PNRC2: variants seen among roughly 807,000 people sequenced by gnomAD.
PNRC2 encodes the protein proline-rich nuclear receptor coactivator 2.
PNRC2 carries 2 observed loss-of-function variants against 12.2 expected under a neutral mutation model. That is an observed-to-expected ratio of 0.16 (90% CI 0.07 to 0.52). The LOEUF (loss-of-function observed/expected upper bound fraction) is 0.52, where lower values mean the gene tolerates loss of function less well. Among genes scored for constraint, PNRC2 ranks in the 20% least tolerant of loss-of-function variants. PNRC2 has a pLI of 0.95. For missense variants in PNRC2, 115 were observed against 158.4 expected (o/e 0.73, Z 1.47); for synonymous variants, 44 against 53.9 (o/e 0.82, Z 0.80).
chr1:23,960,906 T>A (rs1399394046), intron 1 of PNRC2, 23 bp from the exon 2 acceptor site: 4 of 398,584 alleles, frequency 1.0e-5, no homozygotes, highest in Non-Finnish European at 1.8e-5. Flanking sequence ...TTTGAAATAA[T>A]GAAGTAATCT....
chr1:23,961,401 A>G, intron 2 of PNRC2, 39 bp from the exon 3 acceptor site: 1 of 1,431,098 alleles, frequency 7.0e-7, no homozygotes, highest in Admixed American at 2.3e-5. Flanking sequence ...ACTTTTCTTA[A>G]TGGAATTTTA....
rs1233069080 is a variant in PNRC2 at position 23,962,209 on chromosome 1, T to A, written c.*332T>A. The A allele has an allele frequency of 4.9e-6, 1 of 203,514 alleles. No homozygotes were observed. Among genetic ancestry groups the A allele is most frequent in the Non-Finnish European group, 1.1e-5 (1 of 89,950 alleles). The allele number at this position is 203,514 out of a possible 1,614,324, so 12.6% of individuals were successfully genotyped here. On this transcript the variant is annotated 3_prime_UTR_variant, in exon 3 of 3. Transcript: ENST00000334351. ...ATTGTTGAAAGTTGGTGAATCGGAT[T>A]ATAAGCTTCTAGCTAACACAAGGAT...
rs928991916 is a variant in PNRC2 at position 23,961,058 on chromosome 1, C to T, written c.-95C>T. ...AAGGAAGGGATCTGTCAGAAAGCAA[C>T]ACTTGTTATCTTGGGCTTGGCAGCA... On this transcript the variant is annotated 5_prime_UTR_variant, in exon 2 of 3. Transcript: ENST00000334351. The T allele has an allele frequency of 4.2e-5, 17 of 407,292 alleles. No homozygotes were observed. Among genetic ancestry groups the T allele is most frequent in the African/African-American group, 2.5e-4 (12 of 48,786 alleles). The allele number at this position is 407,292 out of a possible 1,614,324, so 25.2% of individuals were successfully genotyped here. A position where few individuals can be genotyped will look rare whatever the true frequency, so the allele number is the denominator to read the frequency against.
At chr1:23,961,416 A>G (rs1450031577) in intron 2 of PNRC2, 24 bp from the exon 3 acceptor site, 91 of 1,485,932 alleles carry the variant, frequency 6.1e-5, no homozygotes, top group Admixed American at 2.0e-4. Context: ...ATTTTACTCA[A>G]TATTTGTTTC....
In PNRC2 at chr1:23,962,052, G is replaced by A. The variant is rs1570751707; in HGVS notation, c.*175G>A. 5.5e-6 allele frequency: 3 copies of A among 545,642 alleles called. No individual in the cohort carries two copies. Among genetic ancestry groups the A allele is most frequent in the East Asian group, 3.0e-5 (1 of 33,190 alleles). 33.8% of individuals were successfully genotyped at this position (545,642 alleles called of 1,614,324 possible). On this transcript the variant is annotated 3_prime_UTR_variant, in exon 3 of 3. Coordinates refer to ENST00000334351, the MANE Select transcript of PNRC2 (RefSeq NM_017761.4). ...ATCAGTGCAACTTAAACTAATGATT[G>A]TACTTGATATTAAGTGTTCTCAACT...
chr1:23,959,627 A>T (rs1641238274), upstream of PNRC2, among the ~76,000 whole-genome samples: 1 of 152,136 alleles, frequency 6.6e-6, no homozygotes, highest in African/African-American at 2.4e-5. Context: ...ACACCGGTGG[A>T]CCGAGCAGTT....
rs1641295591 is a variant in PNRC2 at position 23,962,305 on chromosome 1, G to A, written c.*428G>A. On this transcript the variant is annotated 3_prime_UTR_variant, in exon 3 of 3. Coordinates refer to ENST00000334351, the MANE Select transcript of PNRC2 (RefSeq NM_017761.4). The stretch of plus-strand genomic sequence containing the variant: ...CAAACCAGTAATATGCTAACCTGAT[G>A]CACTGCTGAAAGAAAATGTGAATTT... The A allele has an allele frequency of 5.8e-6, 1 of 171,218 alleles. No homozygotes were observed. The highest frequency in any genetic ancestry group is 2.4e-5 in the African/African-American group (1 of 41,380). The allele number at this position is 171,218 out of a possible 1,614,324, so 10.6% of individuals were successfully genotyped here. A position where few individuals can be genotyped will look rare whatever the true frequency, so the allele number is the denominator to read the frequency against.
intron 2 of PNRC2, 48 bp downstream of exon 2, chr1:23,961,182 C>A: frequency 2.3e-6 from 1 of 438,132 alleles, no homozygotes. Flanking sequence ...CATCCTAAAC[C>A]AATTGTTTTT....
intron 1 of PNRC2, among the ~76,000 whole-genome samples, chr1:23,960,650 A>G (rs908374876): frequency 6.6e-6 from 1 of 152,246 alleles, no homozygotes; most frequent in South Asian, 2.1e-4. Context: ...TATACGCGAG[A>G]GAATCTGAAG....
At position 23,962,640 on chromosome 1, in the gene PNRC2, G is replaced by A. The variant is rs1362385984; in HGVS notation, c.*763G>A. The A allele has an allele frequency of 6.0e-6, 1 of 167,044 alleles. No individual in the cohort carries two copies. Among genetic ancestry groups the A allele is most frequent in the Non-Finnish European group, 1.5e-5 (1 of 68,092 alleles). The allele number at this position is 167,044 out of a possible 1,614,324, so 10.3% of individuals were successfully genotyped here. A position where few individuals can be genotyped will look rare whatever the true frequency, so the allele number is the denominator to read the frequency against. On this transcript the variant is annotated 3_prime_UTR_variant, in exon 3 of 3. Transcript: ENST00000334351. Reference sequence around the variant, plus strand: ...AAATTTTAAGTACCTAGGGGAGAAAGAGCCATGTAAATATCTGTAATAAAC... The same window carrying A: ...AAATTTTAAGTACCTAGGGGAGAAAAAGCCATGTAAATATCTGTAATAAAC...
At chr1:23,960,059 GGAA>G (rs1411708464) in intron 1 of PNRC2, 61 bp downstream of exon 1, 1 of 152,288 alleles carries the variant, frequency 6.6e-6, no homozygotes, top group African/African-American at 2.4e-5. Flanking sequence ...CATTGTTGGA[GGAA>G]GGAGGCGAGC....
At chr1:23,961,346 C>G (rs1340689549) in intron 2 of PNRC2, 94 bp from the exon 3 acceptor site, 1 of 900,258 alleles carries the variant, frequency 1.1e-6, no homozygotes, top group Middle Eastern at 3.0e-4. Flanking sequence ...TCCAAAATAT[C>G]TGGAGTTATA....
chr1:23,959,277 T>TG (rs1641232470), upstream of PNRC2: 1 of 137,418 alleles, frequency 7.3e-6, no homozygotes, highest in Non-Finnish European at 1.6e-5. Flanking sequence ...GGCTGGAGGG[T>TG]GGGGGCACTG....
At position 23,960,964 on chromosome 1, in the gene PNRC2, T is replaced by C. The variant is rs1311681427; in HGVS notation, c.-189T>C. 50 of 399,598 alleles carry C rather than the reference T, an allele frequency of 1.3e-4. No homozygotes were observed. In the East Asian group the frequency reaches 1.5e-3, roughly 12 times the overall value. 24.8% of individuals were successfully genotyped at this position (399,598 alleles called of 1,614,324 possible). ...TCTCAAACTTGTGTGCTGAGGAGACTCAGATGTTGGCCTCAGCTCCTAGGC... is the reference window on the plus strand; with the variant it reads ...TCTCAAACTTGTGTGCTGAGGAGACCCAGATGTTGGCCTCAGCTCCTAGGC... On this transcript the variant is annotated 5_prime_UTR_variant, in exon 2 of 3. Transcript: ENST00000334351.
intron 1 of PNRC2, among the ~76,000 whole-genome samples, chr1:23,960,275 GCT>G (rs915337445): frequency 3.5e-4 from 53 of 152,344 alleles, no homozygotes; most frequent in African/African-American, 1.2e-3. Context: ...TGTTTGGAAA[GCT>G]CTCTTACCCC....
At chr1:23,961,265 G>A (rs1641270834) in intron 2 of PNRC2, 131 bp downstream of exon 2, 1 of 536,564 alleles carries the variant, frequency 1.9e-6, no homozygotes, top group Non-Finnish European at 3.3e-6. Context: ...TAAAGGTTGT[G>A]CATATATTGA....
Position 23,962,969 on chromosome 1 carries a change from TTCC to T in PNRC2, c.*1098_*1100del, listed in dbSNP as rs1641309406. On this transcript the variant is annotated 3_prime_UTR_variant, in exon 3 of 3. Coordinates refer to ENST00000334351, the MANE Select transcript of PNRC2 (RefSeq NM_017761.4). Reference sequence around the variant, plus strand: ...AAATGCAGTATGGGACTATCTTTTTTTCCTCCTCTAAGCCCAAAGATTAACTAG... The same window carrying T: ...AAATGCAGTATGGGACTATCTTTTTTTCCTCTAAGCCCAAAGATTAACTAG... The T allele has an allele frequency of 6.0e-6, 1 of 166,988 alleles. No homozygotes were observed. Among genetic ancestry groups the T allele is most frequent in the South Asian group, 2.1e-4 (1 of 4,830 alleles). The allele number at this position is 166,988 out of a possible 1,614,324, so 10.3% of individuals were successfully genotyped here. A position where few individuals can be genotyped will look rare whatever the true frequency, so the allele number is the denominator to read the frequency against.
chr1:23,961,646 G>A lies in PNRC2; in HGVS notation c.189G>A (p.Gly63=). Residue 63 remains glycine, a synonymous_variant, in exon 3 of 3, where the codon GGG becomes GGA. Coordinates refer to ENST00000334351, the MANE Select transcript of PNRC2 (RefSeq NM_017761.4). Reference sequence around the variant, plus strand: ...CCTGGCAGGCCATGCAAAATGGGGGGAAGAACAAAAATTTTCCAAATAATC... The same window carrying A: ...CCTGGCAGGCCATGCAAAATGGGGGAAAGAACAAAAATTTTCCAAATAATC... ...AAAWQAMQNG[G]KNKNFPNNQS... 6.2e-7 allele frequency: 1 copy of A among 1,613,914 alleles called. No individual in the cohort carries two copies. Among genetic ancestry groups the A allele is most frequent in the Admixed American group, 1.7e-5 (1 of 60,018 alleles).
rs1641279121 is a variant in PNRC2, at chr1:23,961,685, T to C, written c.228T>C (p.Ser76=). ...KNFPNNQSWN[S]SLSGPRLLFK... is the part of the protein sequence containing the mutation. The stretch of plus-strand genomic sequence containing the variant: ...TTCCAAATAATCAAAGTTGGAATTC[T>C]AGCTTATCAGGTCCCAGGTTACTTT... Residue 76 remains serine, a synonymous_variant, in exon 3 of 3, where the codon TCT becomes TCC. Transcript: ENST00000334351. The C allele has an allele frequency of 6.2e-7, 1 of 1,614,022 alleles. No individual in the cohort carries two copies. The highest frequency in any genetic ancestry group is 8.5e-7 in the Non-Finnish European group (1 of 1,179,852).
Sources: allele counts gnomAD v4.1 joint callset (sites outside exome capture counted in the v4.1 genomes callset), GRCh38; gene constraint gnomAD v4.1.1; transcripts MANE v1.5; gene names NCBI Gene and HGNC (gene_info 2026-07-23, HGNC 2026-07-21).